Variants in SLC3A1 observed in about 807,000 individuals in gnomAD.
The protein encoded by SLC3A1 is amino acid transporter heavy chain SLC3A1.
In SLC3A1, 78 loss-of-function variants were observed where a neutral mutation model predicts 60.3. That is an observed-to-expected ratio of 1.29 (90% CI 1.08 to 1.56). SLC3A1 has a LOEUF of 1.56. Among genes scored for constraint, SLC3A1 ranks in the 40% most tolerant of loss-of-function variants. The pLI is 0.00. For missense variants in SLC3A1, 1,172 were observed against 858.9 expected (o/e 1.36, Z -4.56); for synonymous variants, 392 against 307.9 (o/e 1.27, Z -2.86).
chr2:44,319,943 A>T lies in SLC3A1; in HGVS notation c.1618-256A>T, dbSNP rs140023191. 189 of 459,184 alleles carry T rather than the reference A, an allele frequency of 4.1e-4. No homozygotes were observed. In the East Asian group the frequency reaches 6.7e-3, roughly 16 times the overall value. 28.4% of individuals were successfully genotyped at this position (459,184 alleles called of 1,614,324 possible). On this transcript the variant is annotated intron_variant, in intron 9 of 9. Transcript: ENST00000260649. ...TAAAGTGGAGTCAAATTTGATCTCT[A>T]CAGAAACTCTACAATGTAGCAGAGC...
chr2:44,308,403 T>C (rs907996541), intron 7 of SLC3A1, among the ~76,000 whole-genome samples: 1 of 152,236 alleles, frequency 6.6e-6, no homozygotes, highest in African/African-American at 2.4e-5. Flanking sequence ...TTGATAGGGA[T>C]TGCATTGAAT....
chr2:44,299,409 C>G (rs548413017), intron 4 of SLC3A1, among the ~76,000 whole-genome samples: 1 of 152,314 alleles, frequency 6.6e-6, no homozygotes, highest in East Asian at 1.9e-4. Flanking sequence ...AGGATCGTCA[C>G]TATTCTTAGT....
chr2:44,289,422 G>T (rs1232961941), intron 4 of SLC3A1, among the ~76,000 whole-genome samples: 1 of 151,658 alleles, frequency 6.6e-6, no homozygotes. Flanking sequence ...TGTTGGCCAG[G>T]CTGGTCTCGA....
chr2:44,281,577 A>G, intron 3 of SLC3A1, 36 bp downstream of exon 3: 5 of 1,601,784 alleles, frequency 3.1e-6, no homozygotes, highest in Non-Finnish European at 4.3e-6. Context: ...AAAGGGGTAA[A>G]AGGCAGATAT....
downstream of SLC3A1, chr2:44,322,028 C>T: frequency 1.1e-6 from 1 of 917,336 alleles, no homozygotes; most frequent in Admixed American, 3.0e-5. Context: ...AAAGCAAAAA[C>T]CACCATCATC....
intron 7 of SLC3A1, 56 bp from the exon 8 acceptor site, chr2:44,312,530 A>C: frequency 2.5e-6 from 4 of 1,576,634 alleles, no homozygotes; most frequent in Non-Finnish European, 2.6e-6. Context: ...GAAATAGGGT[A>C]AATCTTTCAG....
intron 9 of SLC3A1, among the ~76,000 whole-genome samples, chr2:44,317,110 T>C (rs1487953431): frequency 6.6e-6 from 1 of 152,046 alleles, no homozygotes; most frequent in African/African-American, 2.4e-5. Flanking sequence ...AGAGTAACTC[T>C]AGATTTGAGC....
At position 44,304,346 on chromosome 2, in the gene SLC3A1, C is replaced by T. The variant is rs747431041; in HGVS notation, c.1332+8C>T. ...AAATGGCCTAACTGGATGGTAAGTC[C>T]TCATGACAGCAGAGTACATAATGTG... On this transcript the variant is annotated splice_region_variant and intron_variant, in intron 7 of 9. Coordinates refer to ENST00000260649, the MANE Select transcript of SLC3A1 (RefSeq NM_000341.4). 6.2e-7 allele frequency: 1 copy of T among 1,601,716 alleles called. No individual in the cohort carries two copies. Among genetic ancestry groups the T allele is most frequent in the Non-Finnish European group, 8.6e-7 (1 of 1,168,648 alleles).
intron 5 of SLC3A1, 114 bp downstream of exon 5, chr2:44,300,204 C>A (rs557396267): frequency 1.9e-6 from 2 of 1,035,128 alleles, no homozygotes; most frequent in African/African-American, 1.6e-5. Flanking sequence ...CTGTGTCTAG[C>A]AAGTACCCTG....
At chr2:44,304,112 C>G (rs569687788) in intron 6 of SLC3A1, 31 bp from the exon 7 acceptor site, 3 of 1,587,680 alleles carry the variant, frequency 1.9e-6, no homozygotes, top group South Asian at 2.2e-5. Context: ...TGACAGGCCC[C>G]GATGACACTG....
intron 1 of SLC3A1, among the ~76,000 whole-genome samples, chr2:44,279,858 C>T (rs764903185): frequency 2.0e-5 from 3 of 152,092 alleles, no homozygotes; most frequent in East Asian, 1.9e-4. Flanking sequence ...CCACCATGCC[C>T]GGCCCAGTAT....
chr2:44,286,144 A>G lies in SLC3A1; in HGVS notation c.878A>G (p.Gln293Arg), dbSNP rs368028086. Residue 293 changes from glutamine to arginine, a missense_variant, in exon 4 of 10, where the codon CAA becomes CGA. By Grantham distance (43) the Gln-to-Arg change is conservative. Coordinates refer to ENST00000260649, the MANE Select transcript of SLC3A1 (RefSeq NM_000341.4). Reference protein sequence around the residue: ...PDLNFRNPDVQEEIKEILRFW... With the variant: ...PDLNFRNPDVREEIKEILRFW... ...TTAAATTTCCGCAATCCTGATGTTC[A>G]AGAAGAAATAAAAGTGAGTATAGAT... 5.0e-6 allele frequency: 8 copies of G among 1,613,938 alleles called. No homozygotes were observed. The highest frequency in any genetic ancestry group is 6.8e-6 in the Non-Finnish European group (8 of 1,179,946).
chr2:44,298,544 A>C (rs1296679903), intron 4 of SLC3A1, among the ~76,000 whole-genome samples: 1 of 152,082 alleles, frequency 6.6e-6, no homozygotes, highest in Non-Finnish European at 1.5e-5. Flanking sequence ...TGCCCAACTA[A>C]TTTTTGTATG....
At chr2:44,308,936 G>C (rs1000702200) in intron 7 of SLC3A1, among the ~76,000 whole-genome samples, 2 of 152,072 alleles carry the variant, frequency 1.3e-5, no homozygotes, top group Non-Finnish European at 2.9e-5. Flanking sequence ...GTTTCACCGT[G>C]TTAGCCAAGA....
intron 9 of SLC3A1, chr2:44,319,103 CAT>C (rs1672698849): frequency 6.6e-6 from 1 of 152,560 alleles, no homozygotes; most frequent in Non-Finnish European, 1.5e-5. Context: ...ATACATGTAT[CAT>C]AAATATCTTT....
At chr2:44,299,332 C>T (rs1671941110) in intron 4 of SLC3A1, among the ~76,000 whole-genome samples, 1 of 152,204 alleles carries the variant, frequency 6.6e-6, no homozygotes, top group South Asian at 2.1e-4. Flanking sequence ...AGCCACTGTG[C>T]CCAGCCCATT....
intron 9 of SLC3A1, chr2:44,318,044 C>A (rs1672576071): frequency 2.4e-6 from 1 of 421,938 alleles, no homozygotes; most frequent in East Asian, 8.2e-5. Flanking sequence ...ATTCCTAATA[C>A]TTAGAAATAT....
chr2:44,315,232 T>C (rs1475946829), intron 9 of SLC3A1: 1 of 152,036 alleles, frequency 6.6e-6, no homozygotes, highest in Non-Finnish European at 1.5e-5. Context: ...CGTGAGCCAC[T>C]ACGCCCAGCC....
At chr2:44,305,310 A>G (rs1221326834) in intron 7 of SLC3A1, among the ~76,000 whole-genome samples, 1 of 152,148 alleles carries the variant, frequency 6.6e-6, no homozygotes, top group Non-Finnish European at 1.5e-5. Context: ...GCTCCTTCGT[A>G]AGATGTCTGT....
Sources: gnomAD v4.1 joint callset for allele counts (sites outside exome capture counted in the v4.1 genomes callset) on GRCh38, gnomAD v4.1.1 for gene constraint, MANE v1.5 for transcripts, NCBI Gene and HGNC (gene_info 2026-07-23, HGNC 2026-07-21) for gene names.